DOCK11: variants seen among roughly 807,000 people sequenced by gnomAD.
DOCK11 encodes the protein dedicator of cytokinesis protein 11.
In DOCK11, 70 loss-of-function variants were observed where a neutral mutation model predicts 169.1. The ratio of observed to expected loss-of-function variants is 0.41; its 90% CI spans 0.34 to 0.51. DOCK11 has a LOEUF of 0.51. Among genes scored for constraint, DOCK11 ranks in the 20% least tolerant of loss-of-function variants. DOCK11 has a pLI of 0.10. For synonymous variants in DOCK11, 529 were observed against 541.3 expected, an observed-to-expected ratio of 0.98 and a Z score of 0.32; for missense variants, 1,166 against 1,538.8, an observed-to-expected ratio of 0.76 and a Z score of 4.05.
At chrX:118,561,568 A>G (rs368724240) in intron 7 of DOCK11, 51 bp downstream of exon 7, 3 of 1,107,553 alleles carry the variant, frequency 2.7e-6, no homozygotes, top group Non-Finnish European at 3.6e-6. Flanking sequence ...TTATTGATAA[A>G]CTTTTAAGAA....
At chrX:118,549,440 G>A (rs1258942190) in intron 6 of DOCK11, among the ~76,000 whole-genome samples, 1 of 111,355 alleles carries the variant, frequency 9.0e-6, no homozygotes, top group Non-Finnish European at 1.9e-5. Flanking sequence ...CACTGTGCTC[G>A]GCCTATTTCT....
rs2016030062 is a variant in DOCK11, at chrX:118,654,921, C to T, written c.4929C>T (p.Val1643=). The change falls in exon 44 of 53, where the codon GTC becomes GTT. Residue 1643 remains valine, a synonymous_variant. Coordinates refer to ENST00000276202, the MANE Select transcript of DOCK11 (RefSeq NM_144658.4). ...TTTTTCAGGCTGCGATGTGTTATGT[C>T]CATGTAGCAGCTCTAGTTGCAGAGT... ...GDFSEAAMCY[V]HVAALVAEFL... 2.5e-6 allele frequency: 3 copies of T among 1,209,763 alleles called. No homozygotes were observed. In the East Asian group the frequency reaches 8.9e-5, roughly 36 times the overall value.
rs181464643 is a variant in DOCK11, at chrX:118,632,405, C to A, written c.3886+1915C>A. 5.3e-5 allele frequency: 6 copies of A among 112,241 alleles called. No homozygotes were observed. The East Asian group carries it at 1.4e-3, about 26-fold the overall frequency. 9.2% of individuals were successfully genotyped at this position (112,241 alleles called of 1,213,427 possible). ...GCTCTTGCTTTTTGATTTTAAAAAG[C>A]ACATTTTCAATAACTAGTATACAGT... is the stretch of plus-strand genomic sequence containing the variant. On this transcript the variant is annotated intron_variant, in intron 35 of 52. Transcript: ENST00000276202.
chrX:118,603,543 C>A (rs1415332562), intron 23 of DOCK11, among the ~76,000 whole-genome samples: 1 of 112,099 alleles, frequency 8.9e-6, no homozygotes, highest in Non-Finnish European at 1.9e-5. Context: ...ATTCCCTACC[C>A]ACTTGCACAC....
chrX:118,651,888 A>G (rs761947762), intron 41 of DOCK11, 76 bp from the exon 42 acceptor site: 28 of 685,021 alleles, frequency 4.1e-5, no homozygotes, highest in Non-Finnish European at 5.8e-5. Context: ...GAGTGCTTAT[A>G]TACTTATAAA....
At chrX:118,635,227 T>C (rs2015357899) in intron 35 of DOCK11, among the ~76,000 whole-genome samples, 1 of 111,991 alleles carries the variant, frequency 8.9e-6, no homozygotes, top group Non-Finnish European at 1.9e-5. Flanking sequence ...ATCTTTATCA[T>C]TGAGAGGTTC....
chrX:118,540,938 A>G (rs2011970181), intron 1 of DOCK11, among the ~76,000 whole-genome samples: 1 of 111,995 alleles, frequency 8.9e-6, no homozygotes, highest in East Asian at 2.8e-4. Flanking sequence ...AAAAATTACT[A>G]CTGTCTGCCC....
Position 118,598,092 on chromosome X carries a change from C to T in DOCK11, c.2448C>T (p.His816=), listed in dbSNP as rs2014225218. The T allele has an allele frequency of 1.3e-5, 15 of 1,193,290 alleles. No individual in the cohort carries two copies. Among genetic ancestry groups the T allele is most frequent in the Non-Finnish European group, 1.6e-5 (14 of 882,778 alleles). ...GAKPLLKIKS[H]LESTIYTQDL... ...AGCCTTTGTTGAAGATTAAAAGCCA[C>T]TTAGAATCTACCATTTACACTCAAG... Residue 816 remains histidine, a synonymous_variant, in exon 22 of 53, where the codon CAC becomes CAT. Transcript: ENST00000276202.
chrX:118,584,605 C>A, intron 14 of DOCK11, 130 bp from the exon 15 acceptor site: 1 of 539,774 alleles, frequency 1.9e-6, no homozygotes, highest in Non-Finnish European at 2.8e-6. Context: ...GGGTGATTAA[C>A]TTAATGAGAA....
chrX:118,663,102 A>G (rs1015785250), intron 45 of DOCK11, among the ~76,000 whole-genome samples: 7 of 112,036 alleles, frequency 6.2e-5, no homozygotes, highest in African/African-American at 1.6e-4. Flanking sequence ...CTTTACTTCA[A>G]CTAAGACAGA....
intron 1 of DOCK11, among the ~76,000 whole-genome samples, chrX:118,503,615 G>A (rs1471287364): frequency 1.8e-5 from 2 of 111,202 alleles, no homozygotes; most frequent in African/African-American, 3.3e-5. Context: ...GGAGTTGTCA[G>A]GGCAAAGCCA....
intron 1 of DOCK11, among the ~76,000 whole-genome samples, chrX:118,526,057 G>A (rs757006853): frequency 5.4e-5 from 6 of 111,560 alleles, no homozygotes; most frequent in African/African-American, 2.0e-4. Flanking sequence ...GAAAAACATC[G>A]CTTCCCTGCT....
intron 23 of DOCK11, among the ~76,000 whole-genome samples, chrX:118,603,050 C>T (rs1199869554): frequency 8.9e-6 from 1 of 111,788 alleles, no homozygotes; most frequent in Admixed American, 9.5e-5. Context: ...GTGTATTCTA[C>T]ATAGAGTTGT....
intron 45 of DOCK11, among the ~76,000 whole-genome samples, chrX:118,667,025 G>T (rs1441510118): frequency 2.7e-5 from 3 of 110,857 alleles, no homozygotes; most frequent in Non-Finnish European, 5.7e-5. Flanking sequence ...ATTTTCTTTT[G>T]TGAAATGTTT....
At chrX:118,606,137 G>C (rs2014494525) in intron 24 of DOCK11, among the ~76,000 whole-genome samples, 1 of 98,718 alleles carries the variant, frequency 1.0e-5, no homozygotes, top group Non-Finnish European at 2.0e-5. Flanking sequence ...GCCCCTGCTG[G>C]AGTGCAATGT....
At chrX:118,651,716 A>G (rs66523634) in intron 41 of DOCK11, among the ~76,000 whole-genome samples, 15,629 of 111,532 alleles carry the variant, frequency 0.14, 889 homozygotes, top group Non-Finnish European at 0.17. Context: ...TGGCTATGCT[A>G]TGAGTTTTGA....
chrX:118,536,345 G>A (rs959394116), intron 1 of DOCK11, among the ~76,000 whole-genome samples: 2 of 110,967 alleles, frequency 1.8e-5, no homozygotes, highest in Non-Finnish European at 3.8e-5. Flanking sequence ...TTGACATGCT[G>A]TATAGGGTTC....
Position 118,643,587 on chromosome X carries a change from T to C in DOCK11, c.4391T>C (p.Ile1464Thr). ...KHVFASLRAF[I>T]SKFPSAFFKG... ...GTATTTGCCTCACTGAGAGCTTTCA[T>C]CAGTAAGGTAAGGACAGAAGCTTGG... is the stretch of plus-strand genomic sequence containing the variant. The change falls in exon 40 of 53, where the codon ATC becomes ACC. Residue 1464 changes from isoleucine to threonine, a missense_variant. Ile to Thr is a moderately conservative substitution (Grantham distance 89). Transcript: ENST00000276202. 8.3e-7 allele frequency: 1 copy of C among 1,210,756 alleles called. No homozygotes were observed. Among genetic ancestry groups the C allele is most frequent in the Non-Finnish European group, 1.1e-6 (1 of 895,043 alleles).
intron 19 of DOCK11, among the ~76,000 whole-genome samples, chrX:118,592,125 T>C (rs2014020976): frequency 9.1e-6 from 1 of 109,892 alleles, no homozygotes; most frequent in African/African-American, 3.3e-5. Context: ...CAGCATGTTT[T>C]ATAGTCCTTT....
Sources: gnomAD v4.1 joint callset for allele counts (sites outside exome capture counted in the v4.1 genomes callset) on GRCh38, gnomAD v4.1.1 for gene constraint, MANE v1.5 for transcripts, NCBI Gene and HGNC (gene_info 2026-07-23, HGNC 2026-07-21) for gene names.